Variants in AGBL4 observed in about 807,000 individuals in gnomAD.
AGBL4 encodes the protein AGBL carboxypeptidase 4.
A neutral mutation model predicts 66.4 loss-of-function variants in AGBL4; 58 were observed. The observed-to-expected ratio is 0.87, with a 90% CI of 0.71 to 1.09. AGBL4 has a LOEUF of 1.09. Among genes scored for constraint, AGBL4 ranks in the 50% least tolerant of loss-of-function variants. The pLI, the probability that AGBL4 is intolerant of heterozygous loss-of-function variation, is 0.00. For synonymous variants in AGBL4, 234 were observed against 222.9 expected (o/e 1.05, Z -0.44); for missense variants, 579 against 631.0 (o/e 0.92, Z 0.88).
chr1:48,883,592 C>G (rs1402296652), intron 5 of AGBL4, among the ~76,000 whole-genome samples: 1 of 152,198 alleles, frequency 6.6e-6, no homozygotes, highest in Non-Finnish European at 1.5e-5. Flanking sequence ...TAACATAGTA[C>G]TTTTGCTATC....
intron 5 of AGBL4, among the ~76,000 whole-genome samples, chr1:48,921,828 A>T (rs570366125): frequency 6.6e-6 from 1 of 152,332 alleles, no homozygotes; most frequent in Admixed American, 6.5e-5. Context: ...GCCATTCAAC[A>T]TTATGAAAAT....
chr1:49,922,991 A>G (rs1316786326), intron 1 of AGBL4, among the ~76,000 whole-genome samples: 1 of 152,226 alleles, frequency 6.6e-6, no homozygotes, highest in Non-Finnish European at 1.5e-5. Flanking sequence ...GGGAACCAAA[A>G]AAAGAGCTCG....
At chr1:48,771,067 A>G (rs1022708777) in intron 6 of AGBL4, among the ~76,000 whole-genome samples, 3 of 152,244 alleles carry the variant, frequency 2.0e-5, no homozygotes, top group Non-Finnish European at 2.9e-5. Flanking sequence ...GAACCAGGTG[A>G]GTATTTATAA....
intron 3 of AGBL4, among the ~76,000 whole-genome samples, chr1:49,663,985 GA>G (rs1306402786): frequency 1.3e-5 from 2 of 151,776 alleles, no homozygotes; most frequent in Non-Finnish European, 2.9e-5. Flanking sequence ...GTCATTCCAA[GA>G]AAAAAGAGTA....
chr1:49,188,526 G>A (rs966670105), intron 4 of AGBL4, among the ~76,000 whole-genome samples: 4 of 152,116 alleles, frequency 2.6e-5, no homozygotes, highest in Non-Finnish European at 4.4e-5. Context: ...ATTATATACT[G>A]CAGACAATTA....
intron 3 of AGBL4, among the ~76,000 whole-genome samples, chr1:49,432,584 T>C (rs867102317): frequency 3.3e-5 from 5 of 152,190 alleles, no homozygotes; most frequent in African/African-American, 4.8e-5. Flanking sequence ...AATCATATTA[T>C]TTTTATAAAA....
At chr1:48,934,570 T>C (rs1655298955) in intron 5 of AGBL4, among the ~76,000 whole-genome samples, 1 of 152,046 alleles carries the variant, frequency 6.6e-6, no homozygotes, top group African/African-American at 2.4e-5. Context: ...CATCTCAAAC[T>C]CAAAGTAAAC....
chr1:49,766,945 T>C (rs1652775552), intron 2 of AGBL4, among the ~76,000 whole-genome samples: 1 of 152,056 alleles, frequency 6.6e-6, no homozygotes, highest in Non-Finnish European at 1.5e-5. Context: ...AGCACCCAGA[T>C]TCATAAAACA....
chr1:49,537,905 C>A (rs907278252), intron 3 of AGBL4, among the ~76,000 whole-genome samples: 1 of 148,000 alleles, frequency 6.8e-6, no homozygotes, highest in Non-Finnish European at 1.5e-5. Context: ...CCAGCCTGGG[C>A]GAGAGAGTGA....
At chr1:49,622,411 C>T (rs983752911) in intron 3 of AGBL4, among the ~76,000 whole-genome samples, 26 of 151,756 alleles carry the variant, frequency 1.7e-4, no homozygotes, top group African/African-American at 6.3e-4. Context: ...GGGCGGATCA[C>T]GAGGTCAGGA....
intron 2 of AGBL4, among the ~76,000 whole-genome samples, chr1:49,814,012 T>C (rs1174236875): frequency 6.6e-6 from 1 of 152,136 alleles, no homozygotes; most frequent in African/African-American, 2.4e-5. Context: ...ACATGCTTTC[T>C]TGCCTGCTGC....
intron 6 of AGBL4, among the ~76,000 whole-genome samples, chr1:48,856,870 C>CTAT (rs1647171884): frequency 6.6e-6 from 1 of 152,134 alleles, no homozygotes; most frequent in Non-Finnish European, 1.5e-5. Flanking sequence ...ATGTCCCTGA[C>CTAT]ATTCTAGGCT....
intron 6 of AGBL4, among the ~76,000 whole-genome samples, chr1:48,806,481 C>A (rs1645926695): frequency 6.6e-6 from 1 of 152,196 alleles, no homozygotes; most frequent in African/African-American, 2.4e-5. Flanking sequence ...ACCTCTAGTG[C>A]CCCTACATTG....
At chr1:49,337,913 C>G (rs1428887515) in intron 3 of AGBL4, among the ~76,000 whole-genome samples, 1 of 152,166 alleles carries the variant, frequency 6.6e-6, no homozygotes, top group Non-Finnish European at 1.5e-5. Context: ...CAATAATGCA[C>G]CAAGATCACC....
chr1:49,999,703 T>C (rs912264240), intron 1 of AGBL4, among the ~76,000 whole-genome samples: 3 of 152,072 alleles, frequency 2.0e-5, no homozygotes, highest in East Asian at 3.9e-4. Context: ...CAAAACAGCA[T>C]GGTACTGATA....
At chr1:49,898,267 G>A (rs1485730597) in intron 1 of AGBL4, among the ~76,000 whole-genome samples, 2 of 151,862 alleles carry the variant, frequency 1.3e-5, no homozygotes, top group Non-Finnish European at 2.9e-5. Flanking sequence ...CTCTACAGGG[G>A]GAAAAAGAGC....
intron 5 of AGBL4, among the ~76,000 whole-genome samples, chr1:49,019,996 T>G (rs1278480831): frequency 6.6e-6 from 1 of 152,236 alleles, no homozygotes; most frequent in Non-Finnish European, 1.5e-5. Flanking sequence ...CAGTAAATGT[T>G]AGCTTTGGTT....
chr1:49,403,365 T>G (rs994414199), intron 3 of AGBL4, among the ~76,000 whole-genome samples: 1 of 152,220 alleles, frequency 6.6e-6, no homozygotes, highest in Non-Finnish European at 1.5e-5. Flanking sequence ...TGTGTCTTTA[T>G]AGGCAAAATG....
intron 4 of AGBL4, among the ~76,000 whole-genome samples, chr1:49,066,498 G>A (rs193095259): frequency 2.0e-5 from 3 of 152,214 alleles, no homozygotes; most frequent in Non-Finnish European, 4.4e-5. Flanking sequence ...CTTGCAGTAA[G>A]CCAAGACTGC....
Sources: gnomAD v4.1 joint callset for allele counts (sites outside exome capture counted in the v4.1 genomes callset) on GRCh38, gnomAD v4.1.1 for gene constraint, MANE v1.5 for transcripts, NCBI Gene and HGNC (gene_info 2026-07-23, HGNC 2026-07-21) for gene names.